GALNT13: variants seen among roughly 807,000 people sequenced by gnomAD.
GALNT13 encodes the protein polypeptide N-acetylgalactosaminyltransferase 13.
In GALNT13, 28 loss-of-function variants were observed where a neutral mutation model predicts 64.2. That is an observed-to-expected ratio of 0.44 (90% CI 0.32 to 0.60). GALNT13 has a LOEUF of 0.60. Ranked by LOEUF, GALNT13 falls within the 20% of genes least tolerant of loss-of-function variation. GALNT13 has a pLI of 0.05. For missense variants in GALNT13, 577 were observed against 669.8 expected (o/e 0.86, Z 1.53); for synonymous variants, 214 against 224.6 (o/e 0.95, Z 0.42).
At chr2:153,328,769 G>A in the GALNT13 span, among the ~76,000 whole-genome samples, 1 of 152,100 alleles carries the variant, frequency 6.6e-6, no homozygotes, top group Admixed American at 6.6e-5. Context: ...CGCTCAGCAA[G>A]ACCACTCGGC....
At chr2:153,398,733 G>T in the GALNT13 span, among the ~76,000 whole-genome samples, 13 of 148,898 alleles carry the variant, frequency 8.7e-5, no homozygotes, top group African/African-American at 3.2e-4. Flanking sequence ...TTTGAGAAGT[G>T]TCTGTTCATG....
the GALNT13 span, among the ~76,000 whole-genome samples, chr2:153,608,783 C>T: frequency 6.8e-6 from 1 of 146,418 alleles, no homozygotes; most frequent in East Asian, 2.0e-4. Context: ...GATATATAAA[C>T]TATGAATTAT....
chr2:153,951,091 G>A (rs564101113), intron 3 of GALNT13, among the ~76,000 whole-genome samples: 7 of 152,220 alleles, frequency 4.6e-5, no homozygotes, highest in African/African-American at 1.7e-4. Flanking sequence ...ATGGGAATTA[G>A]GATGTTGTCT....
At position 154,245,884 on chromosome 2, in the gene GALNT13, G is replaced by A. The variant is rs1409180927; in HGVS notation, c.759G>A (p.Met253Ile). ...TTGAATATATGGCTGGGTCAGACAT[G>A]ACTTATGGGGGTTTTAACTGGAAAC... Reference protein sequence around the residue: ...DTFEYMAGSDMTYGGFNWKLN... With the variant: ...DTFEYMAGSDITYGGFNWKLN... Residue 253 changes from methionine (M) to isoleucine (I), a missense_variant, in exon 7 of 13, where the codon ATG becomes ATA. Around this residue, in one of 3 missense-constraint regions of GALNT13, gnomAD observed 341 missense variants for 379.3 expected, o/e 0.90. Coordinates refer to ENST00000392825, the MANE Select transcript of GALNT13 (RefSeq NM_052917.4). 1.9e-6 allele frequency: 3 copies of A among 1,612,524 alleles called. No individual in the cohort carries two copies. The highest frequency in any genetic ancestry group is 2.5e-6 in the Non-Finnish European group (3 of 1,178,786).
At chr2:153,792,580 T>C in the GALNT13 span, among the ~76,000 whole-genome samples, 1 of 152,210 alleles carries the variant, frequency 6.6e-6, no homozygotes. Context: ...CCTGCTTTTA[T>C]CACTTAAAAT....
At chr2:153,643,766 TTACTC>T in the GALNT13 span, among the ~76,000 whole-genome samples, 2 of 152,094 alleles carry the variant, frequency 1.3e-5, no homozygotes, top group Non-Finnish European at 2.9e-5. Context: ...AAATTTTAGT[TTACTC>T]TAAAAATGGA....
chr2:153,627,582 G>A, the GALNT13 span, among the ~76,000 whole-genome samples: 1 of 152,024 alleles, frequency 6.6e-6, no homozygotes, highest in Non-Finnish European at 1.5e-5. Flanking sequence ...TGAAGTAAAA[G>A]TATAAATTGG....
intron 2 of GALNT13, among the ~76,000 whole-genome samples, chr2:153,901,382 A>C (rs546580269): frequency 4.9e-4 from 74 of 152,252 alleles, no homozygotes; most frequent in Middle Eastern, 6.8e-3. Context: ...GTTTGATAGG[A>C]ATAGTATTGA....
intron 11 of GALNT13, among the ~76,000 whole-genome samples, chr2:154,431,985 G>A (rs992950390): frequency 6.6e-6 from 1 of 152,120 alleles, no homozygotes; most frequent in African/African-American, 2.4e-5. Context: ...CCTTATAGCA[G>A]TGTGAGAACG....
the GALNT13 span, among the ~76,000 whole-genome samples, chr2:153,680,856 A>T: frequency 7.0e-3 from 1,070 of 152,032 alleles, 10 homozygotes; most frequent in African/African-American, 0.024. Flanking sequence ...TATTTTCACC[A>T]TGAGTTCACA....
chr2:153,333,375 T>C, the GALNT13 span, among the ~76,000 whole-genome samples: 1 of 152,168 alleles, frequency 6.6e-6, no homozygotes, highest in East Asian at 1.9e-4. Context: ...ACTAGGACTT[T>C]ACTCATTTTT....
chr2:153,534,601 CA>C, the GALNT13 span, among the ~76,000 whole-genome samples: 2 of 144,504 alleles, frequency 1.4e-5, no homozygotes, highest in Non-Finnish European at 3.0e-5. Flanking sequence ...AAAAGAGAGT[CA>C]GTGAAGGGAG....
At chr2:153,579,067 C>T in the GALNT13 span, among the ~76,000 whole-genome samples, 1 of 152,136 alleles carries the variant, frequency 6.6e-6, no homozygotes, top group Non-Finnish European at 1.5e-5. Flanking sequence ...GTTTGTATTG[C>T]GGAAAACTGT....
At chr2:153,885,775 C>G (rs1336884438) in intron 1 of GALNT13, among the ~76,000 whole-genome samples, 1 of 152,082 alleles carries the variant, frequency 6.6e-6, no homozygotes, top group Non-Finnish European at 1.5e-5. Context: ...ATGTTCACTC[C>G]TTAGTATCCT....
intron 3 of GALNT13, among the ~76,000 whole-genome samples, chr2:154,128,096 G>T (rs1682399402): frequency 6.6e-6 from 1 of 151,952 alleles, no homozygotes; most frequent in African/African-American, 2.4e-5. Flanking sequence ...AAAGGCCAGG[G>T]TATGTTTGAC....
chr2:154,286,803 T>C (rs546100747), intron 8 of GALNT13: 27 of 338,394 alleles, frequency 8.0e-5, no homozygotes, highest in Non-Finnish European at 1.1e-4. Context: ...ACTGATGTTC[T>C]TGACCATGTA....
the GALNT13 span, among the ~76,000 whole-genome samples, chr2:153,717,354 C>T: frequency 2.0e-5 from 3 of 152,206 alleles, no homozygotes; most frequent in African/African-American, 7.2e-5. Context: ...AGCAGACTTT[C>T]TGCTACTGCT....
chr2:153,624,545 C>T, the GALNT13 span, among the ~76,000 whole-genome samples: 2 of 152,192 alleles, frequency 1.3e-5, no homozygotes, highest in East Asian at 1.9e-4. Context: ...CTTCACACTG[C>T]GTCCTAGAAT....
chr2:153,735,931 C>G, the GALNT13 span, among the ~76,000 whole-genome samples: 1 of 152,094 alleles, frequency 6.6e-6, no homozygotes, highest in Non-Finnish European at 1.5e-5. Flanking sequence ...TTGGTAGTTA[C>G]CAAGTTTATC....
Sources: gnomAD v4.1 joint callset for allele counts (sites outside exome capture counted in the v4.1 genomes callset) on GRCh38, gnomAD v4.1.1 for gene constraint, gnomAD v4.1.1 regional missense constraint, MANE v1.5 for transcripts, NCBI Gene and HGNC (gene_info 2026-07-23, HGNC 2026-07-21) for gene names.